Variants in PYHIN1 observed in about 807,000 individuals in gnomAD.
The protein encoded by PYHIN1 is pyrin and HIN domain-containing protein 1.
A neutral mutation model predicts 43.7 loss-of-function variants in PYHIN1; 32 were observed. The ratio of observed to expected loss-of-function variants is 0.73; its 90% confidence interval spans 0.55 to 0.98. PYHIN1 has a LOEUF of 0.98. PYHIN1 is among the 50% of genes least tolerant of loss of function. The pLI is 0.00. For missense variants in PYHIN1, 588 were observed against 589.5 expected, an observed-to-expected ratio of 1.00 and a Z score of 0.03; for synonymous variants, 205 against 203.1, an observed-to-expected ratio of 1.01 and a Z score of -0.08.
At chr1:158,938,991 A>G (rs1334057078) in intron 3 of PYHIN1, 89 bp from the exon 4 acceptor site, 5 of 982,838 alleles carry the variant, frequency 5.1e-6, no homozygotes, top group Middle Eastern at 2.9e-4. Context: ...AACAATTTAT[A>G]TACAATAAAT....
chr1:158,946,722 G>A (rs182775699), intron 7 of PYHIN1, among the ~76,000 whole-genome samples: 19 of 152,166 alleles, frequency 1.2e-4, no homozygotes, highest in Admixed American at 2.0e-4. Context: ...TTGTAATTCC[G>A]GTTTCTGTGT....
chr1:158,986,774 T>C, the PYHIN1 span, among the ~76,000 whole-genome samples: 1 of 152,198 alleles, frequency 6.6e-6, no homozygotes, highest in Non-Finnish European at 1.5e-5. Flanking sequence ...CATGCTCCAC[T>C]GCAGCCATTC....
At chr1:158,932,696 T>C (rs183997368) in intron 1 of PYHIN1, among the ~76,000 whole-genome samples, 1 of 152,298 alleles carries the variant, frequency 6.6e-6, no homozygotes, top group African/African-American at 2.4e-5. Context: ...ATTCAAATAA[T>C]TCAAATGTGT....
intron 7 of PYHIN1, among the ~76,000 whole-genome samples, chr1:158,959,873 C>A (rs1452303966): frequency 6.6e-6 from 1 of 152,214 alleles, no homozygotes; most frequent in Non-Finnish European, 1.5e-5. Context: ...TGCATCAATT[C>A]TTATTCCAGA....
intron 4 of PYHIN1, among the ~76,000 whole-genome samples, chr1:158,940,429 GATACACCA>G (rs1177134845): frequency 1.3e-5 from 2 of 151,806 alleles, no homozygotes; most frequent in Admixed American, 1.3e-4. Flanking sequence ...GGCAGAAGAC[GATACACCA>G]AGACTTACAA....
chr1:158,980,350 G>A (rs1361958937), downstream of PYHIN1, among the ~76,000 whole-genome samples: 2 of 152,038 alleles, frequency 1.3e-5, no homozygotes, highest in South Asian at 2.1e-4. Context: ...GAATAGTAGC[G>A]ATTTTTAGGG....
chr1:158,944,647 A>C (rs1002446673), intron 6 of PYHIN1, among the ~76,000 whole-genome samples: 2 of 152,194 alleles, frequency 1.3e-5, no homozygotes, highest in African/African-American at 4.8e-5. Flanking sequence ...ATTTCATTTT[A>C]AAAAATAAGT....
At position 158,973,532 on chromosome 1, in the gene PYHIN1, CACACATAT is replaced by C. The variant is rs1442453855; in HGVS notation, c.1360-109_1360-102del. On this transcript the variant is annotated intron_variant, in intron 7 of 8. Transcript: ENST00000368140. ...ACACACACACACACACACACACACACACACATATACACACATGTATTACATCCAACTTA... is the reference window on the plus strand; with the variant it reads ...ACACACACACACACACACACACACACACACACATGTATTACATCCAACTTA... The C allele has an allele frequency of 1.3e-4, 133 of 998,792 alleles. No homozygotes were observed. The African/African-American group carries it at 1.6e-3, about 12-fold the overall frequency. 61.9% of individuals were successfully genotyped at this position (998,792 alleles called of 1,614,324 possible). A position where few individuals can be genotyped will look rare whatever the true frequency, so the allele number is the denominator to read the frequency against.
At chr1:158,962,532 C>A (rs1410195105) in intron 7 of PYHIN1, among the ~76,000 whole-genome samples, 1 of 152,180 alleles carries the variant, frequency 6.6e-6, no homozygotes, top group Non-Finnish European at 1.5e-5. Context: ...TTACCCTGCC[C>A]CCTCCTGAAC....
intron 6 of PYHIN1, among the ~76,000 whole-genome samples, 180 bp from the exon 7 acceptor site, chr1:158,944,695 T>A (rs1649122211): frequency 1.3e-5 from 2 of 152,212 alleles, no homozygotes; most frequent in Non-Finnish European, 2.9e-5. Flanking sequence ...GTTAGATCAT[T>A]TTACATTTTA....
chr1:158,953,891 C>T (rs1199989820), intron 7 of PYHIN1, among the ~76,000 whole-genome samples: 28 of 144,166 alleles, frequency 1.9e-4, no homozygotes, highest in South Asian at 1.6e-3. Context: ...ATAACCAATA[C>T]AGAGAAGTGC....
intron 7 of PYHIN1, among the ~76,000 whole-genome samples, chr1:158,949,371 T>G (rs188903049): frequency 6.8e-4 from 104 of 152,312 alleles, no homozygotes; most frequent in African/African-American, 2.2e-3. Flanking sequence ...TTCCTGGCTT[T>G]TTTTGTTTTG....
intron 7 of PYHIN1, among the ~76,000 whole-genome samples, chr1:158,970,416 C>G (rs1001579748): frequency 1.3e-5 from 2 of 151,822 alleles, no homozygotes; most frequent in African/African-American, 4.8e-5. Context: ...ATTAGATAAT[C>G]TCTCATCCCT....
At chr1:158,953,841 T>G (rs1016244992) in intron 7 of PYHIN1, among the ~76,000 whole-genome samples, 1 of 150,902 alleles carries the variant, frequency 6.6e-6, no homozygotes, top group African/African-American at 2.4e-5. Context: ...GCAAAGAAGT[T>G]GAAAACTTTG....
rs1236383132 is a variant in PYHIN1, at chr1:158,931,559, G to T, written c.-238G>T. On this transcript the variant is annotated 5_prime_UTR_variant, in exon 1 of 9. The change abolishes an upstream ATG in the 5' untranslated region. Coordinates refer to ENST00000368140, the MANE Select transcript of PYHIN1 (RefSeq NM_152501.5). ...CTCTCCCCAGGGCAAAGCAGAGTAT[G>T]AGGAAGCCAGCACTAGTCAAGTGAC... 6.6e-6 allele frequency: 1 copy of T among 152,206 alleles called. No homozygotes were observed. Among genetic ancestry groups the T allele is most frequent in the Non-Finnish European group, 1.5e-5 (1 of 68,044 alleles). 9.4% of individuals were successfully genotyped at this position (152,206 alleles called of 1,614,324 possible). A position where few individuals can be genotyped will look rare whatever the true frequency, so the allele number is the denominator to read the frequency against.
In PYHIN1 at chr1:158,957,074, C is replaced by A. The variant is rs543356598; in HGVS notation, c.1359+12032C>A. On this transcript the variant is annotated intron_variant, in intron 7 of 8. Transcript: ENST00000368140. ...GATGTGAAGGACCTCTTCAAGGAGA[C>A]CTACAAACCACTGCTCAAGGAAATA... Among the ~76,000 whole-genome samples the A allele has an allele frequency of 4.4e-3, 646 of 146,322 alleles. 2 individuals are homozygous for A. The highest frequency in any genetic ancestry group is 0.015 in the East Asian group (76 of 4,958).
chr1:158,986,010 T>G, the PYHIN1 span, among the ~76,000 whole-genome samples: 1 of 152,172 alleles, frequency 6.6e-6, no homozygotes, highest in South Asian at 2.1e-4. Flanking sequence ...GTAGGTTAGT[T>G]TGGTTCTTTC....
At chr1:158,959,882 G>A (rs2101704955) in intron 7 of PYHIN1, among the ~76,000 whole-genome samples, 1 of 152,282 alleles carries the variant, frequency 6.6e-6, no homozygotes. Flanking sequence ...TCTTATTCCA[G>A]ATTACCTTTT....
At chr1:158,952,216 G>A (rs1169631506) in intron 7 of PYHIN1, among the ~76,000 whole-genome samples, 1 of 151,590 alleles carries the variant, frequency 6.6e-6, no homozygotes, top group East Asian at 1.9e-4. Flanking sequence ...CCTGCAGCTG[G>A]GCCTGGCTTC....
Sources: allele counts gnomAD v4.1 joint callset (sites outside exome capture counted in the v4.1 genomes callset), GRCh38; gene constraint gnomAD v4.1.1; transcripts MANE v1.5; gene names NCBI Gene and HGNC (gene_info 2026-07-23, HGNC 2026-07-21).